The following ARHGEF11 variants were observed in gnomAD, a reference collection of about 807,000 sequenced individuals.
ARHGEF11 encodes the protein Rho guanine nucleotide exchange factor 11.
In ARHGEF11, 55 loss-of-function variants were observed where a neutral mutation model predicts 193.7. That is an observed-to-expected ratio of 0.28 (90% confidence interval 0.23 to 0.36). The LOEUF (loss-of-function observed/expected upper bound fraction) is 0.36. ARHGEF11 is among the 10% of genes least tolerant of loss of function. The pLI is 1.00. For synonymous variants in ARHGEF11, 693 were observed against 768.0 expected (o/e 0.90, Z 1.62); for missense variants, 1,723 against 2,005.6 (o/e 0.86, Z 2.69).
In ARHGEF11 at chr1:156,978,311, C is replaced by T; in HGVS notation, c.403G>A (p.Asp135Asn). 1 of 1,613,950 alleles carries T rather than the reference C, an allele frequency of 6.2e-7. No homozygotes were observed. ...CGGGGAGCTCCTGCTGGGGATGGGTCCTGCTGGAGCCCAGAGATGCCCATG... is the reference window on the plus strand; with the variant it reads ...CGGGGAGCTCCTGCTGGGGATGGGTTCTGCTGGAGCCCAGAGATGCCCATG... ...SSMGISGLQQDPSPAGAPRIT... is the reference protein window; with the variant it reads ...SSMGISGLQQNPSPAGAPRIT... Residue 135 changes from aspartate to asparagine, a missense_variant, in exon 6 of 41, where the codon GAC becomes AAC. Around this residue, in one of 5 missense-constraint regions of ARHGEF11, gnomAD observed 646 missense variants for 710.7 expected, o/e 0.91. Transcript: ENST00000368194.
chr1:156,996,629 C>T (rs1460524951), intron 1 of ARHGEF11, among the ~76,000 whole-genome samples: 2 of 151,430 alleles, frequency 1.3e-5, no homozygotes, highest in African/African-American at 2.4e-5. Flanking sequence ...AAAAATTAGC[C>T]GGGCGTGGTA....
At chr1:156,983,619 A>G (rs976203841) in intron 3 of ARHGEF11, among the ~76,000 whole-genome samples, 2 of 152,116 alleles carry the variant, frequency 1.3e-5, no homozygotes, top group Non-Finnish European at 2.9e-5. Context: ...CACCCCTTCT[A>G]TACACAATTG....
intron 11 of ARHGEF11, among the ~76,000 whole-genome samples, chr1:156,965,066 A>G (rs1164169192): frequency 6.6e-6 from 1 of 152,212 alleles, no homozygotes; most frequent in Non-Finnish European, 1.5e-5. Context: ...AGTTTTATGG[A>G]AAGTATAGGT....
intron 40 of ARHGEF11, 77 bp from the exon 41 acceptor site, chr1:156,936,135 G>A (rs1459570408): frequency 6.9e-7 from 1 of 1,447,622 alleles, no homozygotes; most frequent in Admixed American, 1.7e-5. Context: ...AGAAAGTTCA[G>A]GCTCACGAGA....
upstream of ARHGEF11, among the ~76,000 whole-genome samples, chr1:157,046,345 C>G (rs1169785920): frequency 1.3e-5 from 2 of 152,134 alleles, no homozygotes; most frequent in African/African-American, 2.4e-5. Flanking sequence ...CCCCTGCCCG[C>G]CCAGCCACCG....
At position 156,988,779 on chromosome 1, in the gene ARHGEF11, G is replaced by A. The variant is rs1343976397; in HGVS notation, c.33-2606C>T. Among the ~76,000 whole-genome samples the A allele has an allele frequency of 2.6e-5, 4 of 152,292 alleles. No homozygotes were observed. The East Asian group carries it at 7.7e-4, about 29-fold the overall frequency. On this transcript the variant is annotated intron_variant, in intron 1 of 40. Transcript: ENST00000368194. ...GGGGGACAAGGAGATGGCAACGTAAGTATACTTGCAACAGATGCAAAAAAA... is the reference window on the plus strand; with the variant it reads ...GGGGGACAAGGAGATGGCAACGTAAATATACTTGCAACAGATGCAAAAAAA...
chr1:157,046,571 G>A (rs960558169), upstream of ARHGEF11, among the ~76,000 whole-genome samples: 1 of 152,102 alleles, frequency 6.6e-6, no homozygotes, highest in African/African-American at 2.4e-5. Flanking sequence ...ACCGACTTAG[G>A]GGGAAGACCC....
chr1:156,989,999 T>C (rs1302349325), intron 1 of ARHGEF11, among the ~76,000 whole-genome samples: 1 of 152,254 alleles, frequency 6.6e-6, no homozygotes, highest in African/African-American at 2.4e-5. Context: ...ATGAGTCTGA[T>C]ACAATATTAT....
Position 156,948,142 on chromosome 1 carries a change from G to C in ARHGEF11, c.2153+39C>G. The C allele has an allele frequency of 6.5e-7, 1 of 1,544,708 alleles. No homozygotes were observed. Among genetic ancestry groups the C allele is most frequent in the Non-Finnish European group, 8.7e-7 (1 of 1,143,930 alleles). On this transcript the variant is annotated intron_variant, in intron 24 of 40. Coordinates refer to ENST00000368194, the MANE Select transcript of ARHGEF11 (RefSeq NM_198236.3). The surrounding 1 kb of genome is among the most constrained non-coding windows in gnomAD (Gnocchi z 4.2). ...AGCAGCTGGGTGTGGATGGGACACA[G>C]AGACACCAAACAGAGGCACCACCGT...
rs371654913 is a variant in ARHGEF11, at chr1:156,977,078, A to G, written c.511-24T>C. 5.3e-5 allele frequency: 85 copies of G among 1,609,414 alleles called. 1 individual carries two copies. The South Asian group carries it at 7.6e-4, about 14-fold the overall frequency. ...TCCTAGACATGGAAAATATGGCAAT[A>G]TAAGAGTTAGGGACTAACTCAACAG... On this transcript the variant is annotated intron_variant, in intron 6 of 40. Transcript: ENST00000368194.
Position 156,947,833 on chromosome 1 carries a change from T to C in ARHGEF11, c.2277A>G (p.Thr759=), listed in dbSNP as rs1161963457. The C allele has an allele frequency of 1.2e-6, 2 of 1,614,024 alleles. No individual in the cohort carries two copies. The highest frequency in any genetic ancestry group is 1.7e-6 in the Non-Finnish European group (2 of 1,179,994). ...PEPDAQNWQH[T]VGKDVVAGLT... ...GCCCAGCCACCACATCCTTGCCCAC[T>C]GTATGCTGCCAATTTTGGGCATCTG... Residue 759 remains threonine, a synonymous_variant, in exon 25 of 41, where the codon ACA becomes ACG. Coordinates refer to ENST00000368194, the MANE Select transcript of ARHGEF11 (RefSeq NM_198236.3).
At chr1:157,023,596 T>A (rs1670258872) in intron 1 of ARHGEF11, among the ~76,000 whole-genome samples, 1 of 151,998 alleles carries the variant, frequency 6.6e-6, no homozygotes, top group South Asian at 2.1e-4. Flanking sequence ...TGAAACCCCA[T>A]CTCTACTAAA....
upstream of ARHGEF11, among the ~76,000 whole-genome samples, chr1:157,046,611 C>CAGA (rs1673347081): frequency 7.3e-6 from 1 of 137,028 alleles, no homozygotes; most frequent in South Asian, 2.2e-4. Context: ...TTGGGTTGGG[C>CAGA]ATCTTAATAG....
At chr1:156,955,663 C>T (rs376769569) in intron 20 of ARHGEF11, 40 bp downstream of exon 20, 2 of 1,522,480 alleles carry the variant, frequency 1.3e-6, no homozygotes, top group African/African-American at 2.7e-5. Flanking sequence ...GAGGTCCCTG[C>T]CCAAGGAATG....
chr1:156,940,712 A>G (rs1204712497), intron 35 of ARHGEF11, among the ~76,000 whole-genome samples: 1 of 152,212 alleles, frequency 6.6e-6, no homozygotes, highest in Non-Finnish European at 1.5e-5. Flanking sequence ...TTCCACCGGA[A>G]AGAAGAAAAC....
In ARHGEF11 at chr1:156,959,048, G is replaced by A. The variant is rs540994049; in HGVS notation, c.1377C>T (p.Tyr459=). ...GGGAGGTCAGCTCCTGGGCCAACCT[G>A]TAGTCGTGGATCTGCTCTTGGATCT... ...MPEIQEQIHD[Y]RTKRTLGLGS... The change falls in exon 16 of 41, where the codon TAC becomes TAT. Residue 459 remains tyrosine, a splice_region_variant and synonymous_variant. Transcript: ENST00000368194. The A allele has an allele frequency of 1.2e-6, 2 of 1,614,236 alleles. No individual in the cohort carries two copies. The highest frequency in any genetic ancestry group is 1.7e-6 in the Non-Finnish European group (2 of 1,180,022).
chr1:157,002,025 T>C (rs1042484585), intron 1 of ARHGEF11, among the ~76,000 whole-genome samples: 3 of 152,188 alleles, frequency 2.0e-5, no homozygotes, highest in Non-Finnish European at 4.4e-5. Context: ...AAAAGTGTGG[T>C]TGCATGTGCA....
intron 21 of ARHGEF11, among the ~76,000 whole-genome samples, chr1:156,953,921 C>T (rs571123888): frequency 2.6e-5 from 4 of 152,090 alleles, no homozygotes; most frequent in Non-Finnish European, 5.9e-5. Flanking sequence ...TTATACAGTG[C>T]TGGCAGTCAA....
chr1:156,943,825 C>G, intron 32 of ARHGEF11, 110 bp downstream of exon 32: 17 of 1,338,854 alleles, frequency 1.3e-5, no homozygotes, highest in Non-Finnish European at 1.6e-5. Flanking sequence ...GAAAGGAACA[C>G]AGGTGGACAG....
Sources: gnomAD v4.1 joint callset for allele counts (sites outside exome capture counted in the v4.1 genomes callset) on GRCh38, gnomAD v4.1.1 for gene constraint, gnomAD v4.1.1 regional missense constraint, Gnocchi (gnomAD v3.1) non-coding constraint, MANE v1.5 for transcripts, NCBI Gene and HGNC (gene_info 2026-07-23, HGNC 2026-07-21) for gene names.